EMC10: variants seen among roughly 807,000 people sequenced by gnomAD.
EMC10 encodes ER membrane protein complex subunit 10.
EMC10 carries 40 observed loss-of-function variants against 32.2 expected under a neutral mutation model. The ratio of observed to expected loss-of-function variants is 1.24; its 90% CI spans 0.96 to 1.61. The LOEUF (loss-of-function observed/expected upper bound fraction) is 1.61, where lower values mean the gene tolerates loss of function less well. Among genes scored for constraint, EMC10 ranks in the 40% most tolerant of loss-of-function variants. The pLI is 0.00. For synonymous variants in EMC10, 178 were observed against 158.4 expected (o/e 1.12, Z -0.93); for missense variants, 402 against 357.7 (o/e 1.12, Z -1.00).
rs1978509060 is a variant in EMC10, at chr19:50,489,049, G to A, written c.*6790G>A. 2 of 147,286 alleles carry A rather than the reference G, an allele frequency of 1.4e-5. No homozygotes were observed. The highest frequency in any genetic ancestry group is 5.4e-5 in the African/African-American group (2 of 37,176). The allele number at this position is 147,286 out of a possible 1,614,324, so 9.1% of individuals were successfully genotyped here. ...AGAGGGAGGGAAGGAGGGTAGGAGA[G>A]GGCTGGAGATAGGGGAAAAGAGAAA... On this transcript the variant is annotated 3_prime_UTR_variant, in exon 7 of 7. Transcript: ENST00000334976.
chr19:50,481,033 C>A, intron 6 of EMC10, 56 bp downstream of exon 6: 1 of 1,401,152 alleles, frequency 7.1e-7, no homozygotes, highest in Non-Finnish European at 9.9e-7. Flanking sequence ...CGGTGCCTGG[C>A]CAGGCCCTCC....
rs184672468 is a variant in EMC10, at chr19:50,484,114, G to A, written c.*1855G>A. ...ACGATCTCAGCTCACTGCAACCTCCGCTTCCTGAGTTTAAGCGATTCTCCT... is the reference window on the plus strand; with the variant it reads ...ACGATCTCAGCTCACTGCAACCTCCACTTCCTGAGTTTAAGCGATTCTCCT... On this transcript the variant is annotated 3_prime_UTR_variant, in exon 7 of 7. Coordinates refer to ENST00000334976, the MANE Select transcript of EMC10 (RefSeq NM_206538.4). 1.5e-4 allele frequency: 20 copies of A among 129,134 alleles called. No individual in the cohort carries two copies. Among genetic ancestry groups the A allele is most frequent in the African/African-American group, 5.4e-4 (18 of 33,488 alleles). The allele number at this position is 129,134 out of a possible 1,614,324, so 8.0% of individuals were successfully genotyped here.
At chr19:50,481,088 G>T in intron 6 of EMC10, 111 bp downstream of exon 6, 1 of 768,518 alleles carries the variant, frequency 1.3e-6, no homozygotes, top group Non-Finnish European at 2.1e-6. Context: ...CCTGCTCCTT[G>T]TCCTCCGGGC....
rs2040344845 is a variant in EMC10, at chr19:50,482,832, C to CAG, written c.*573_*574insAG. 1.9e-6 allele frequency: 1 copy of CAG among 523,640 alleles called. No individual in the cohort carries two copies. The highest frequency in any genetic ancestry group is 1.9e-5 in the African/African-American group (1 of 51,376). 32.4% of individuals were successfully genotyped at this position (523,640 alleles called of 1,614,324 possible). On this transcript the variant is annotated 3_prime_UTR_variant, in exon 7 of 7. Coordinates refer to ENST00000334976, the MANE Select transcript of EMC10 (RefSeq NM_206538.4). ...CTGGATGGCCGGGGGCTTCTGGGCC[C>CAG]GACGCCTAGTGCAGCCCCTGGGGTC...
chr19:50,481,867 A>G (rs2040323900), intron 6 of EMC10: 4 of 1,579,832 alleles, frequency 2.5e-6, no homozygotes, highest in Non-Finnish European at 3.4e-6. Context: ...CCAGTGGCAC[A>G]TCATCCTGGG....
rs1167253268 is a variant in EMC10 at position 50,489,070 on chromosome 19, A to G, written c.*6811A>G. ...GAGAGGGCTGGAGATAGGGGAAAAG[A>G]GAAAAGGAGGGTAGGAGAGGGCTGG... On this transcript the variant is annotated 3_prime_UTR_variant, in exon 7 of 7. Coordinates refer to ENST00000334976, the MANE Select transcript of EMC10 (RefSeq NM_206538.4). 2 of 147,598 alleles carry G rather than the reference A, an allele frequency of 1.4e-5. No homozygotes were observed. The highest frequency in any genetic ancestry group is 5.4e-5 in the African/African-American group (2 of 37,250). The allele number at this position is 147,598 out of a possible 1,614,324, so 9.1% of individuals were successfully genotyped here. A position where few individuals can be genotyped will look rare whatever the true frequency, so the allele number is the denominator to read the frequency against.
chr19:50,482,206 G>A lies in EMC10; in HGVS notation c.736G>A (p.Gly246Arg). ...CATGATGTCAGGAGCGCCAGACACC[G>A]GGGGCCAGGGTGGGGGTGGGGGTGG... is the stretch of plus-strand genomic sequence containing the variant. ...FLMMSGAPDT[G>R]GQGGGGGGGG... is the part of the protein sequence containing the mutation. The change falls in exon 7 of 7, where the codon GGG (glycine) becomes AGG (arginine). Residue 246 changes from glycine to arginine, a missense_variant. Gly to Arg is a moderately radical substitution (Grantham distance 125). Coordinates refer to ENST00000334976, the MANE Select transcript of EMC10 (RefSeq NM_206538.4). 4 of 1,431,906 alleles carry A rather than the reference G, an allele frequency of 2.8e-6. No homozygotes were observed. The highest frequency in any genetic ancestry group is 3.9e-6 in the Non-Finnish European group (4 of 1,019,822). The allele number at this position is 1,431,906 out of a possible 1,614,324, so 88.7% of individuals were successfully genotyped here.
Position 50,483,118 on chromosome 19 carries a change from A to C in EMC10, c.*859A>C, listed in dbSNP as rs2040349716. 8.5e-6 allele frequency: 4 copies of C among 472,754 alleles called. No homozygotes were observed. Among genetic ancestry groups the C allele is most frequent in the African/African-American group, 2.0e-5 (1 of 50,854 alleles). The allele number at this position is 472,754 out of a possible 1,614,324, so 29.3% of individuals were successfully genotyped here. A position where few individuals can be genotyped will look rare whatever the true frequency, so the allele number is the denominator to read the frequency against. On this transcript the variant is annotated 3_prime_UTR_variant, in exon 7 of 7. Coordinates refer to ENST00000334976, the MANE Select transcript of EMC10 (RefSeq NM_206538.4). Reference sequence around the variant, plus strand: ...CCTCCCTGTAAGTCTATTTAAAAACATCGACGATACATTGAAATGTGTGAA... The same window carrying C: ...CCTCCCTGTAAGTCTATTTAAAAACCTCGACGATACATTGAAATGTGTGAA...
intron 6 of EMC10, chr19:50,481,318 T>C (rs1386993996): frequency 3.6e-6 from 1 of 274,606 alleles, no homozygotes; most frequent in African/African-American, 2.3e-5. Flanking sequence ...CTTCAGGGGG[T>C]TGTACAGGAA....
In EMC10 at chr19:50,490,841, T is replaced by G. The variant is rs1336080278; in HGVS notation, c.*8582T>G. The G allele has an allele frequency of 6.6e-6, 1 of 151,892 alleles. No homozygotes were observed. The highest frequency in any genetic ancestry group is 2.4e-5 in the African/African-American group (1 of 41,344). The allele number at this position is 151,892 out of a possible 1,614,324, so 9.4% of individuals were successfully genotyped here. The stretch of plus-strand genomic sequence containing the variant: ...TACGAAACGCCTGTGCTCACTATGT[T>G]AATAATAATAATAAAAGGCAAAAAA... On this transcript the variant is annotated 3_prime_UTR_variant, in exon 7 of 7. Coordinates refer to ENST00000334976, the MANE Select transcript of EMC10 (RefSeq NM_206538.4).
Position 50,482,205 on chromosome 19 carries a change from CG to C in EMC10, c.740del (p.Gly247AlafsTer173). On this transcript the variant is annotated frameshift_variant, in exon 7 of 7. Transcript: ENST00000334976. LOFTEE classifies it high-confidence loss of function. ...FLMMSGAPDT[G>X]GQGGGGGGGG... ...TCATGATGTCAGGAGCGCCAGACAC[CG>C]GGGGCCAGGGTGGGGGTGGGGGTGG... The C allele has an allele frequency of 7.7e-5, 31 of 400,876 alleles. No individual in the cohort carries two copies. The highest frequency in any genetic ancestry group is 9.7e-5 in the Non-Finnish European group (28 of 287,212). 24.8% of individuals were successfully genotyped at this position (400,876 alleles called of 1,614,324 possible).
At position 50,482,214 on chromosome 19, in the gene EMC10, GGGTGGGGGTGGGGGTGGGGGTGGT is replaced by G. The variant is rs1484638365; in HGVS notation, c.754_777del (p.Gly252_Gly259del). ...CAGGAGCGCCAGACACCGGGGGCCA[GGGTGGGGGTGGGGGTGGGGGTGGT>G]GGTGGGGGTAGTGGCCGGTGAGGGC... On this transcript the variant is annotated inframe_deletion, in exon 7 of 7. Coordinates refer to ENST00000334976, the MANE Select transcript of EMC10 (RefSeq NM_206538.4). The G allele has an allele frequency of 9.5e-6, 10 of 1,054,150 alleles. No individual in the cohort carries two copies. The highest frequency in any genetic ancestry group is 1.5e-5 in the South Asian group (1 of 65,110). The allele number at this position is 1,054,150 out of a possible 1,614,324, so 65.3% of individuals were successfully genotyped here.
Position 50,479,079 on chromosome 19 carries a change from C to A in EMC10, c.297+13C>A. On this transcript the variant is annotated intron_variant, in intron 3 of 6. Transcript: ENST00000334976. ...GGGCCGACTCCGGGTGAGGTGGGGC[C>A]CTCAGGGCTGGGTGTGGATGGGGAT... 6.3e-7 allele frequency: 1 copy of A among 1,586,778 alleles called. No individual in the cohort carries two copies. Among genetic ancestry groups the A allele is most frequent in the East Asian group, 2.3e-5 (1 of 43,694 alleles).
At position 50,480,612 on chromosome 19, in the gene EMC10, A is replaced by G; in HGVS notation, c.434A>G (p.Gln145Arg). ...CSLVESHLSDQLTLHVDVAGN... is the reference protein window; with the variant it reads ...CSLVESHLSDRLTLHVDVAGN... ...CTGGTGGAGTCGCACCTGTCGGACC[A>G]GCTGACCCTGCACGTGGATGTGGCC... is the stretch of plus-strand genomic sequence containing the variant. Residue 145 changes from glutamine to arginine, a missense_variant, in exon 5 of 7, where the codon CAG becomes CGG. Physicochemically the swap from Gln to Arg is conservative, Grantham distance 43. Coordinates refer to ENST00000334976, the MANE Select transcript of EMC10 (RefSeq NM_206538.4). The surrounding 1 kb of genome is among the most constrained non-coding windows in gnomAD (Gnocchi z 4.4). 6 of 1,569,514 alleles carry G rather than the reference A, an allele frequency of 3.8e-6. No homozygotes were observed. The highest frequency in any genetic ancestry group is 5.2e-6 in the Non-Finnish European group (6 of 1,157,628).
At position 50,485,580 on chromosome 19, in the gene EMC10, C is replaced by G. The variant is rs1021569190; in HGVS notation, c.*3321C>G. 2 of 153,202 alleles carry G rather than the reference C, an allele frequency of 1.3e-5. No individual in the cohort carries two copies. Among genetic ancestry groups the G allele is most frequent in the African/African-American group, 4.8e-5 (2 of 41,450 alleles). 9.5% of individuals were successfully genotyped at this position (153,202 alleles called of 1,614,324 possible). On this transcript the variant is annotated 3_prime_UTR_variant, in exon 7 of 7. Transcript: ENST00000334976. ...CACCACCATACCTACCCCTAAAGTT[C>G]TTCCTGGCCTCATCCCGTCACCTCT...
intron 6 of EMC10, chr19:50,481,491 G>A (rs2040318836): frequency 3.6e-6 from 1 of 275,534 alleles, no homozygotes; most frequent in Non-Finnish European, 6.8e-6. Flanking sequence ...TGGGGAGGCT[G>A]GGGACAGCCG....
chr19:50,479,137 C>A, intron 3 of EMC10, 71 bp downstream of exon 3: 1 of 1,246,334 alleles, frequency 8.0e-7, no homozygotes, highest in Non-Finnish European at 1.1e-6. Flanking sequence ...CAGCCACCCC[C>A]TGCTGGTCCC....
At chr19:50,481,347 G>A (rs984822646) in intron 6 of EMC10, 21 of 239,160 alleles carry the variant, frequency 8.8e-5, no homozygotes, top group African/African-American at 3.6e-4. Context: ...GAGTGGGTCC[G>A]GGAGGGATGT....
rs1978373494 is a variant in EMC10, at chr19:50,486,847, A to C, written c.*4588A>C. Reference sequence around the variant, plus strand: ...GATGTTTGTATATTGATTAGGAGTAAAAATGTTCATTTTTACAAAATATTA... The same window carrying C: ...GATGTTTGTATATTGATTAGGAGTACAAATGTTCATTTTTACAAAATATTA... On this transcript the variant is annotated 3_prime_UTR_variant, in exon 7 of 7. Coordinates refer to ENST00000334976, the MANE Select transcript of EMC10 (RefSeq NM_206538.4). The C allele has an allele frequency of 6.6e-6, 1 of 152,092 alleles. No homozygotes were observed. Among genetic ancestry groups the C allele is most frequent in the South Asian group, 2.1e-4 (1 of 4,822 alleles). The allele number at this position is 152,092 out of a possible 1,614,324, so 9.4% of individuals were successfully genotyped here. A position where few individuals can be genotyped will look rare whatever the true frequency, so the allele number is the denominator to read the frequency against.
Sources: gnomAD v4.1 joint callset for allele counts on GRCh38, gnomAD v4.1.1 for gene constraint, Gnocchi (gnomAD v3.1) non-coding constraint, MANE v1.5 for transcripts, NCBI Gene and HGNC (gene_info 2026-07-23, HGNC 2026-07-21) for gene names.